CPQ: variants seen among roughly 807,000 people sequenced by gnomAD.
CPQ encodes the protein Ser-Met dipeptidase.
In CPQ, 37 loss-of-function variants were observed where a neutral mutation model predicts 45.7. The observed-to-expected ratio is 0.81, with a 90% CI of 0.62 to 1.07. The LOEUF is 1.07. CPQ is among the 50% of genes least tolerant of loss of function. CPQ has a pLI of 0.00. For missense variants in CPQ, 537 were observed against 572.9 expected (o/e 0.94, Z 0.64); for synonymous variants, 186 against 205.8 (o/e 0.90, Z 0.82).
Position 96,824,172 on chromosome 8 carries a change from C to T in CPQ, c.434-10801C>T, listed in dbSNP as rs183871543. ...ATGACCAGAAGTACTGTTGCTCTCT[C>T]TCCATCTCTTTCTGTTAGAAATAGA... On this transcript the variant is annotated intron_variant, in intron 2 of 7. Coordinates refer to ENST00000220763, the MANE Select transcript of CPQ (RefSeq NM_016134.4). Among the ~76,000 whole-genome samples the T allele has an allele frequency of 4.3e-3, 658 of 152,124 alleles. 5 individuals carry two copies. The highest frequency in any genetic ancestry group is 0.021 in the Admixed American group (318 of 15,252).
chr8:97,032,105 A>G (rs1047981077), intron 6 of CPQ, among the ~76,000 whole-genome samples: 4 of 152,222 alleles, frequency 2.6e-5, no homozygotes, highest in Non-Finnish European at 4.4e-5. Flanking sequence ...ACAGTCCAAC[A>G]ATATCCAGTT....
chr8:97,099,181 A>G (rs1172193687), intron 7 of CPQ, among the ~76,000 whole-genome samples: 1 of 116,282 alleles, frequency 8.6e-6, no homozygotes, highest in Non-Finnish European at 1.6e-5. Context: ...ACCAGGCTGG[A>G]GTGCAGTGGC....
intron 4 of CPQ, among the ~76,000 whole-genome samples, chr8:96,915,918 C>T (rs747586570): frequency 2.0e-5 from 3 of 152,144 alleles, no homozygotes; most frequent in Non-Finnish European, 4.4e-5. Flanking sequence ...ATTTTCTTCT[C>T]GTTTCTGCCT....
At chr8:97,092,014 T>G (rs1249019342) in intron 7 of CPQ, among the ~76,000 whole-genome samples, 1 of 152,190 alleles carries the variant, frequency 6.6e-6, no homozygotes, top group Non-Finnish European at 1.5e-5. Flanking sequence ...TCCTACCATT[T>G]AGTTATTCGT....
intron 1 of CPQ, among the ~76,000 whole-genome samples, chr8:96,764,049 G>T (rs376674304): frequency 6.6e-6 from 1 of 152,080 alleles, no homozygotes; most frequent in African/African-American, 2.4e-5. Context: ...CCCATATAAA[G>T]AGTACAAATA....
At chr8:96,808,929 GGTGAA>G (rs759585426) in intron 2 of CPQ, among the ~76,000 whole-genome samples, 4 of 152,178 alleles carry the variant, frequency 2.6e-5, no homozygotes, top group Non-Finnish European at 5.9e-5. Context: ...GGTTGTGCCT[GGTGAA>G]TGTCAACTAG....
intron 1 of CPQ, among the ~76,000 whole-genome samples, chr8:96,663,575 A>G (rs552860507): frequency 6.6e-6 from 1 of 152,380 alleles, no homozygotes; most frequent in South Asian, 2.1e-4. Flanking sequence ...TTTCAAACCT[A>G]AGAAAATCTT....
chr8:97,135,659 A>G (rs1213365323), intron 7 of CPQ, among the ~76,000 whole-genome samples: 3 of 152,204 alleles, frequency 2.0e-5, no homozygotes, highest in Admixed American at 6.5e-5. Context: ...CATAATTATT[A>G]TGATCAGGGA....
rs755334726 is a variant in CPQ at position 96,785,323 on chromosome 8, T to C, written c.426T>C (p.Pro142=). The change falls in exon 2 of 8, where the codon CCT becomes CCC. Residue 142 remains proline (P), a synonymous_variant. Transcript: ENST00000220763. ...ILGLGSSIGT[P]PEGITAEVLV... Reference sequence around the variant, plus strand: ...GTCTTGGCAGCAGCATTGGGACTCCTCCAGAAGGTATTGTTTGTCTTTTCA... The same window carrying C: ...GTCTTGGCAGCAGCATTGGGACTCCCCCAGAAGGTATTGTTTGTCTTTTCA... 6.3e-7 allele frequency: 1 copy of C among 1,591,320 alleles called. No individual in the cohort carries two copies. Among genetic ancestry groups the C allele is most frequent in the East Asian group, 2.2e-5 (1 of 44,446 alleles).
intron 1 of CPQ, among the ~76,000 whole-genome samples, chr8:96,673,083 G>A (rs1809028341): frequency 6.6e-6 from 1 of 152,290 alleles, no homozygotes; most frequent in South Asian, 2.1e-4. Flanking sequence ...GACTGGAGCA[G>A]AGAAGGGGAA....
chr8:96,737,017 C>T (rs1809991884), intron 1 of CPQ, among the ~76,000 whole-genome samples: 1 of 151,786 alleles, frequency 6.6e-6, no homozygotes. Context: ...TCACTTTTGC[C>T]AGAGGTATGC....
chr8:97,131,432 C>T (rs1340378386), intron 7 of CPQ, among the ~76,000 whole-genome samples: 1 of 152,170 alleles, frequency 6.6e-6, no homozygotes, highest in Non-Finnish European at 1.5e-5. Context: ...AGCATTTAAG[C>T]TTATATCTAA....
At chr8:96,983,205 C>T (rs1345574745) in intron 5 of CPQ, among the ~76,000 whole-genome samples, 1 of 152,072 alleles carries the variant, frequency 6.6e-6, no homozygotes, top group Non-Finnish European at 1.5e-5. Flanking sequence ...GTATTTTCTT[C>T]CATATTCAGG....
intron 3 of CPQ, among the ~76,000 whole-genome samples, chr8:96,850,411 T>C (rs1427899969): frequency 6.6e-6 from 1 of 152,122 alleles, no homozygotes; most frequent in Non-Finnish European, 1.5e-5. Context: ...GAAATAGATC[T>C]CCATTGCTTA....
rs532468790 is a variant in CPQ, at chr8:96,827,430, T to C, written c.434-7543T>C. 2.4e-4 allele frequency among the ~76,000 whole-genome samples: 37 copies of C among 152,212 alleles called. No homozygotes were observed. In the South Asian group the frequency reaches 7.5e-3, roughly 31 times the overall value. On this transcript the variant is annotated intron_variant, in intron 2 of 7. Transcript: ENST00000220763. ...TATAGGACCTAAATTATTGCTTTAG[T>C]AAAAACTGGAGCTGTCTGATGTTAT...
intron 1 of CPQ, among the ~76,000 whole-genome samples, chr8:96,751,167 G>A (rs374138355): frequency 6.6e-5 from 10 of 152,056 alleles, no homozygotes; most frequent in East Asian, 5.8e-4. Context: ...TGGGATTGCC[G>A]GATCAAATGG....
rs925339158 is a variant in CPQ, at chr8:97,025,749, G to A, written c.962-3654G>A. On this transcript the variant is annotated intron_variant, in intron 5 of 7. Coordinates refer to ENST00000220763, the MANE Select transcript of CPQ (RefSeq NM_016134.4). The stretch of plus-strand genomic sequence containing the variant: ...TTACTGCTTTAGTATTGTTGTTGTC[G>A]TTGCTTTCCTGTATATATTTAAGAC... Among the ~76,000 whole-genome samples, 4 of 152,150 alleles carry A rather than the reference G, an allele frequency of 2.6e-5. No homozygotes were observed. The East Asian group carries it at 5.8e-4, about 22-fold the overall frequency.
At chr8:96,647,348 C>T (rs1815530031) in intron 1 of CPQ, among the ~76,000 whole-genome samples, 1 of 152,158 alleles carries the variant, frequency 6.6e-6, no homozygotes. Context: ...ATGTGTCATA[C>T]AGGCATGGAA....
chr8:96,737,782 G>C (rs887323873), intron 1 of CPQ, among the ~76,000 whole-genome samples: 2 of 151,834 alleles, frequency 1.3e-5, no homozygotes, highest in Admixed American at 6.6e-5. Context: ...ACCCTTTCTT[G>C]TTTCTTATTA....
Sources: allele counts gnomAD v4.1 joint callset (sites outside exome capture counted in the v4.1 genomes callset), GRCh38; gene constraint gnomAD v4.1.1; transcripts MANE v1.5; gene names NCBI Gene and HGNC (gene_info 2026-07-23, HGNC 2026-07-21).